Variants in ARHGEF26 observed in about 807,000 individuals in gnomAD.
The protein encoded by ARHGEF26 is Rho guanine nucleotide exchange factor (GEF) 26.
A neutral mutation model predicts 89.4 loss-of-function variants in ARHGEF26; 59 were observed. That is an observed-to-expected ratio of 0.66 (90% CI 0.54 to 0.82). ARHGEF26 has a LOEUF of 0.82. Among genes scored for constraint, ARHGEF26 ranks in the 40% least tolerant of loss-of-function variants. The pLI, the probability that ARHGEF26 is intolerant of heterozygous loss-of-function variation, is 0.00. For missense variants in ARHGEF26, 1,234 were observed against 1,085.6 expected, an observed-to-expected ratio of 1.14 and a Z score of -1.92; for synonymous variants, 500 against 428.4, an observed-to-expected ratio of 1.17 and a Z score of -2.06.
chr3:154,166,297 G>A (rs370910440), intron 6 of ARHGEF26, among the ~76,000 whole-genome samples: 5 of 152,248 alleles, frequency 3.3e-5, no homozygotes, highest in East Asian at 1.9e-4. Context: ...TGATCCGCCC[G>A]CCTTGGCCTC....
intron 9 of ARHGEF26, among the ~76,000 whole-genome samples, chr3:154,196,178 G>A (rs548191504): frequency 7.2e-4 from 109 of 152,182 alleles, no homozygotes; most frequent in Non-Finnish European, 1.3e-3. Context: ...CCAGCCGGCA[G>A]TGGTAGCTAA....
chr3:154,231,362 C>T (rs1461429885), intron 11 of ARHGEF26, among the ~76,000 whole-genome samples: 2 of 152,150 alleles, frequency 1.3e-5, no homozygotes, highest in East Asian at 1.9e-4. Flanking sequence ...AGCACAATAT[C>T]GATGCCTGGG....
At chr3:154,191,022 T>C (rs1398009615) in intron 7 of ARHGEF26, among the ~76,000 whole-genome samples, 1 of 152,226 alleles carries the variant, frequency 6.6e-6, no homozygotes, top group African/African-American at 2.4e-5. Flanking sequence ...ACCTTCCACT[T>C]GTATAAATTT....
chr3:154,196,644 A>G (rs889795397), intron 9 of ARHGEF26, among the ~76,000 whole-genome samples: 2 of 152,194 alleles, frequency 1.3e-5, no homozygotes, highest in Admixed American at 6.6e-5. Context: ...TCTTCATCCC[A>G]TCAGTGGTCT....
At chr3:154,179,077 A>G (rs1213673166) in intron 6 of ARHGEF26, among the ~76,000 whole-genome samples, 3 of 152,232 alleles carry the variant, frequency 2.0e-5, no homozygotes. Context: ...GTTTCATTAT[A>G]CAAGCACTAG....
chr3:154,165,062 G>A (rs189068682), intron 6 of ARHGEF26, among the ~76,000 whole-genome samples: 41 of 152,138 alleles, frequency 2.7e-4, no homozygotes, highest in Non-Finnish European at 4.9e-4. Context: ...TTTGATTTTT[G>A]GAGGATCTCA....
chr3:154,204,777 T>C (rs1299418270), intron 9 of ARHGEF26, among the ~76,000 whole-genome samples: 1 of 152,218 alleles, frequency 6.6e-6, no homozygotes, highest in East Asian at 1.9e-4. Context: ...TTCTTTAACC[T>C]ACTGGTCATT....
At chr3:154,137,185 A>G (rs1282343819) in intron 4 of ARHGEF26, among the ~76,000 whole-genome samples, 1 of 152,208 alleles carries the variant, frequency 6.6e-6, no homozygotes, top group Non-Finnish European at 1.5e-5. Context: ...TGCCTGCGTG[A>G]ATAGATTAAC....
chr3:154,171,781 GATT>G (rs1386860413), intron 6 of ARHGEF26, among the ~76,000 whole-genome samples: 1 of 152,102 alleles, frequency 6.6e-6, no homozygotes, highest in African/African-American at 2.4e-5. Context: ...TGCTGAAAGA[GATT>G]ATTGGAGAAA....
chr3:154,208,965 C>T (rs1413507185), intron 9 of ARHGEF26, among the ~76,000 whole-genome samples: 1 of 151,774 alleles, frequency 6.6e-6, no homozygotes, highest in African/African-American at 2.4e-5. Flanking sequence ...CGGGGTTTCA[C>T]CGTGCTGGCC....
At chr3:154,249,545 G>A (rs1717998110) in intron 12 of ARHGEF26, among the ~76,000 whole-genome samples, 1 of 152,176 alleles carries the variant, frequency 6.6e-6, no homozygotes, top group Admixed American at 6.6e-5. Context: ...TTGGTAGAGT[G>A]TTCCATTTCA....
chr3:154,213,176 A>G (rs1715486148), intron 9 of ARHGEF26, among the ~76,000 whole-genome samples: 1 of 150,338 alleles, frequency 6.7e-6, no homozygotes, highest in Non-Finnish European at 1.5e-5. Flanking sequence ...TTTGTGTTTT[A>G]ATTTACATTT....
In ARHGEF26 at chr3:154,241,813, T is replaced by C. The variant is rs138543839; in HGVS notation, c.2300+1234T>C. ...CTTGCTGAAGACAGGCCAGGGTAAT[T>C]AGACATCATAACCTCTGGGATGATG... On this transcript the variant is annotated intron_variant, in intron 12 of 14. Coordinates refer to ENST00000465093, the MANE Select transcript of ARHGEF26 (RefSeq NM_015595.4). 3.7e-3 allele frequency among the ~76,000 whole-genome samples: 567 copies of C among 152,314 alleles called. 2 individuals are homozygous for C. The highest frequency in any genetic ancestry group is 6.1e-3 in the Non-Finnish European group (414 of 68,032).
intron 9 of ARHGEF26, among the ~76,000 whole-genome samples, chr3:154,215,570 A>C (rs768090932): frequency 1.4e-4 from 21 of 152,118 alleles, no homozygotes; most frequent in Non-Finnish European, 2.5e-4. Context: ...AGAGTACCAT[A>C]AACTGGGTGG....
At chr3:154,248,550 C>T (rs1717932171) in intron 12 of ARHGEF26, among the ~76,000 whole-genome samples, 2 of 152,044 alleles carry the variant, frequency 1.3e-5, no homozygotes, top group Non-Finnish European at 2.9e-5. Context: ...CATAATCTTA[C>T]ATTTATCTAG....
chr3:154,144,875 A>G (rs1032088049), intron 4 of ARHGEF26, among the ~76,000 whole-genome samples: 1 of 152,224 alleles, frequency 6.6e-6, no homozygotes, highest in Non-Finnish European at 1.5e-5. Context: ...TCACTGGCAT[A>G]TTACCTGATG....
intron 4 of ARHGEF26, among the ~76,000 whole-genome samples, chr3:154,130,778 A>T (rs1718638113): frequency 6.6e-6 from 1 of 152,136 alleles, no homozygotes; most frequent in Admixed American, 6.5e-5. Context: ...AAGCCAGTAC[A>T]CCTCCATGAG....
intron 3 of ARHGEF26, among the ~76,000 whole-genome samples, 195 bp from the exon 4 acceptor site, chr3:154,129,379 C>T (rs1718535798): frequency 6.6e-6 from 1 of 152,210 alleles, no homozygotes; most frequent in Admixed American, 6.5e-5. Flanking sequence ...TCCCCTTCCC[C>T]TGCAGTTGAG....
chr3:154,245,499 A>G (rs1717751276), intron 12 of ARHGEF26, among the ~76,000 whole-genome samples: 1 of 152,104 alleles, frequency 6.6e-6, no homozygotes, highest in African/African-American at 2.4e-5. Context: ...TGTTTTTCAT[A>G]CTTCCTGGAA....
Sources: allele counts gnomAD v4.1 joint callset (sites outside exome capture counted in the v4.1 genomes callset), GRCh38; gene constraint gnomAD v4.1.1; transcripts MANE v1.5; gene names NCBI Gene and HGNC (gene_info 2026-07-23, HGNC 2026-07-21).